The following MIPOL1 variants were observed in gnomAD, a reference collection of about 807,000 sequenced individuals.
MIPOL1 encodes mirror-image polydactyly gene 1 protein.
A neutral mutation model predicts 60.9 loss-of-function variants in MIPOL1; 57 were observed. The observed-to-expected ratio is 0.94, with a 90% CI of 0.76 to 1.17. The LOEUF is 1.17. Ranked by LOEUF, MIPOL1 falls within the 50% of genes most tolerant of loss-of-function variation. MIPOL1 has a pLI of 0.00. For missense variants in MIPOL1, 551 were observed against 511.6 expected, an observed-to-expected ratio of 1.08 and a Z score of -0.74; for synonymous variants, 179 against 168.8, an observed-to-expected ratio of 1.06 and a Z score of -0.47.
At chr14:37,279,782 G>T (rs1372953220) in intron 6 of MIPOL1, among the ~76,000 whole-genome samples, 1 of 151,888 alleles carries the variant, frequency 6.6e-6, no homozygotes, top group African/African-American at 2.4e-5. Context: ...AATACTTACT[G>T]TTTCTTGGTG....
At chr14:37,324,299 A>G (rs1434530367) in intron 9 of MIPOL1, among the ~76,000 whole-genome samples, 2 of 151,768 alleles carry the variant, frequency 1.3e-5, no homozygotes, top group East Asian at 3.9e-4. Flanking sequence ...TTTAATTTGC[A>G]CCTCCCAGTG....
chr14:37,515,712 C>T (rs910163842), intron 12 of MIPOL1, among the ~76,000 whole-genome samples: 3 of 152,104 alleles, frequency 2.0e-5, no homozygotes, highest in Admixed American at 1.3e-4. Context: ...TCTCTAGTAC[C>T]GACTCTCAGA....
chr14:37,447,383 A>T (rs1461510487), intron 11 of MIPOL1, among the ~76,000 whole-genome samples: 1 of 152,128 alleles, frequency 6.6e-6, no homozygotes, highest in Admixed American at 6.6e-5. Context: ...ACTACACTCT[A>T]GTTCTCCTAG....
At chr14:37,219,362 AT>A (rs1390258287) in intron 1 of MIPOL1, among the ~76,000 whole-genome samples, 2 of 152,078 alleles carry the variant, frequency 1.3e-5, no homozygotes, top group Non-Finnish European at 2.9e-5. Flanking sequence ...GATCCTTTTT[AT>A]TTATTTTTTA....
chr14:37,254,799 A>G (rs1049886555), intron 3 of MIPOL1, among the ~76,000 whole-genome samples: 2 of 151,804 alleles, frequency 1.3e-5, no homozygotes, highest in Non-Finnish European at 3.0e-5. Flanking sequence ...GATCGTTTCT[A>G]GGAAGAATGA....
intron 3 of MIPOL1, 51 bp from the exon 4 acceptor site, chr14:37,266,887 T>C (rs751490285): frequency 8.5e-6 from 10 of 1,180,286 alleles, no homozygotes; most frequent in Non-Finnish European, 1.2e-5. Context: ...TGATTTAATA[T>C]GCAGTTATGG....
chr14:37,369,431 A>G (rs935717246), intron 9 of MIPOL1, 86 bp from the exon 10 acceptor site: 7 of 877,906 alleles, frequency 8.0e-6, no homozygotes, highest in South Asian at 3.5e-5. Flanking sequence ...AGAGAATACA[A>G]TGATATTATT....
intron 1 of MIPOL1, among the ~76,000 whole-genome samples, chr14:37,210,622 A>C (rs1966758739): frequency 6.6e-6 from 1 of 152,008 alleles, no homozygotes; most frequent in South Asian, 2.1e-4. Context: ...AGTTTTGCTG[A>C]CACGTGATGA....
chr14:37,410,927 C>T (rs964362457), intron 10 of MIPOL1, among the ~76,000 whole-genome samples: 18 of 151,548 alleles, frequency 1.2e-4, no homozygotes, highest in Middle Eastern at 3.3e-3. Flanking sequence ...ATAGAACTAG[C>T]GAGGAAAGTA....
intron 11 of MIPOL1, among the ~76,000 whole-genome samples, chr14:37,473,841 TAGAG>T (rs1464442879): frequency 6.7e-6 from 1 of 149,444 alleles, no homozygotes; most frequent in Non-Finnish European, 1.5e-5. Flanking sequence ...TACAGTATCA[TAGAG>T]AGTTTCACCA....
At chr14:37,312,113 T>C (rs2087393372) in intron 9 of MIPOL1, among the ~76,000 whole-genome samples, 1 of 152,134 alleles carries the variant, frequency 6.6e-6, no homozygotes, top group Admixed American at 6.6e-5. Context: ...TAATTAACTT[T>C]TTACTTACTC....
rs75894374 is a variant in MIPOL1 at position 37,455,041 on chromosome 14, G to A, written c.1031+32092G>A. 6.2e-4 allele frequency among the ~76,000 whole-genome samples: 95 copies of A among 152,150 alleles called. 1 individual carries two copies. The East Asian group carries it at 0.017, about 28-fold the overall frequency. On this transcript the variant is annotated intron_variant, in intron 11 of 12. Transcript: ENST00000684589. ...ACCTGTATGCTGATGACTCCCAAAT[G>A]CAGAAGCCACATCTCTCTCTCTTTA...
chr14:37,236,880 G>C (rs1348170349), intron 1 of MIPOL1, among the ~76,000 whole-genome samples: 1 of 152,116 alleles, frequency 6.6e-6, no homozygotes. Context: ...TTTGTGCTGG[G>C]ACACTCCTTT....
intron 10 of MIPOL1, among the ~76,000 whole-genome samples, chr14:37,399,470 A>G (rs147505060): frequency 2.8e-4 from 42 of 152,098 alleles, no homozygotes; most frequent in African/African-American, 9.9e-4. Context: ...TTCATTTTTT[A>G]TGATATCTGG....
At chr14:37,253,813 A>C (rs1956514) in intron 3 of MIPOL1, among the ~76,000 whole-genome samples, 150,697 of 151,706 alleles carry the variant, frequency 0.99, 74,856 homozygotes, top group Middle Eastern at 1. Flanking sequence ...TAATAATATT[A>C]ATTTAGGATA....
intron 10 of MIPOL1, among the ~76,000 whole-genome samples, chr14:37,381,587 A>ATT (rs757364292): frequency 2.0e-5 from 3 of 147,466 alleles, no homozygotes; most frequent in East Asian, 2.0e-4. Flanking sequence ...CTGAATTGGA[A>ATT]TTTTTTTTTT....
chr14:37,420,096 GA>G (rs796634849), intron 10 of MIPOL1, among the ~76,000 whole-genome samples: 79 of 132,976 alleles, frequency 5.9e-4, no homozygotes, highest in Admixed American at 1.2e-3. Flanking sequence ...AGCAATTTTT[GA>G]AAAAAAAAAA....
At chr14:37,341,726 G>T (rs749186577) in intron 9 of MIPOL1, among the ~76,000 whole-genome samples, 1 of 152,154 alleles carries the variant, frequency 6.6e-6, no homozygotes, top group African/African-American at 2.4e-5. Flanking sequence ...GACTATAGGC[G>T]TGAGCCAACA....
chr14:37,413,892 G>A lies in MIPOL1; in HGVS notation c.937-8963G>A, dbSNP rs571964617. 1.4e-4 allele frequency among the ~76,000 whole-genome samples: 22 copies of A among 152,266 alleles called. No homozygotes were observed. The South Asian group carries it at 4.6e-3, about 32-fold the overall frequency. The stretch of plus-strand genomic sequence containing the variant: ...TTCAAAGGCCTGCAACAATGCGGGG[G>A]AGTCAAATATAAGTTAAAAACTAAC... On this transcript the variant is annotated intron_variant, in intron 10 of 12. Transcript: ENST00000684589.
Sources: allele counts gnomAD v4.1 joint callset (sites outside exome capture counted in the v4.1 genomes callset), GRCh38; gene constraint gnomAD v4.1.1; transcripts MANE v1.5; gene names NCBI Gene and HGNC (gene_info 2026-07-23, HGNC 2026-07-21).